The following LRRC3B variants were observed in gnomAD, a reference collection of about 807,000 sequenced individuals.
The protein encoded by LRRC3B is leucine-rich repeat-containing protein 3B.
LRRC3B carries 2 observed loss-of-function variants against 12.8 expected under a neutral mutation model. The observed-to-expected ratio is 0.16, with a 90% CI of 0.06 to 0.49. The LOEUF (loss-of-function observed/expected upper bound fraction) is 0.49, where lower values mean the gene tolerates loss of function less well. Among genes scored for constraint, LRRC3B ranks in the 20% least tolerant of loss-of-function variants. LRRC3B has a pLI of 0.96. For synonymous variants in LRRC3B, 132 were observed against 122.0 expected (o/e 1.08, Z -0.54); for missense variants, 189 against 319.4 (o/e 0.59, Z 3.11).
At chr3:26,698,817 C>G (rs1480529102) in intron 1 of LRRC3B, among the ~76,000 whole-genome samples, 2 of 152,088 alleles carry the variant, frequency 1.3e-5, no homozygotes, top group Non-Finnish European at 2.9e-5. Flanking sequence ...GAACAACTAC[C>G]TCCATTCTAC....
At chr3:26,640,733 A>G (rs1425781073) in intron 1 of LRRC3B, among the ~76,000 whole-genome samples, 1 of 152,180 alleles carries the variant, frequency 6.6e-6, no homozygotes, top group Non-Finnish European at 1.5e-5. Context: ...AAGCACTGTA[A>G]GTGGAGTTCT....
At chr3:26,648,798 G>T (rs1699205783) in intron 1 of LRRC3B, among the ~76,000 whole-genome samples, 1 of 152,194 alleles carries the variant, frequency 6.6e-6, no homozygotes, top group Admixed American at 6.5e-5. Context: ...TTTGAAGAAT[G>T]GGCAGTTGCA....
chr3:26,658,170 G>A (rs1699414925), intron 1 of LRRC3B, among the ~76,000 whole-genome samples: 3 of 152,106 alleles, frequency 2.0e-5, no homozygotes, highest in Non-Finnish European at 4.4e-5. Context: ...TCGGCCTCCC[G>A]GGTTCACGCC....
chr3:26,657,555 A>C (rs1043411425), intron 1 of LRRC3B, among the ~76,000 whole-genome samples: 1 of 152,272 alleles, frequency 6.6e-6, no homozygotes, highest in Admixed American at 6.5e-5. Flanking sequence ...TTATTTGCTA[A>C]GTCACTTCTC....
At chr3:26,657,403 C>T (rs940075555) in intron 1 of LRRC3B, among the ~76,000 whole-genome samples, 1 of 152,104 alleles carries the variant, frequency 6.6e-6, no homozygotes, top group Admixed American at 6.5e-5. Context: ...TCAAAATTTA[C>T]TTTGGGTCAA....
chr3:26,710,058 A>C (rs761482645), exon 2 of LRRC3B: 2 of 1,614,174 alleles, frequency 1.2e-6, no homozygotes, highest in Non-Finnish European at 1.7e-6. Flanking sequence ...CAAAGTGTGC[A>C]CAAAAATGCC....
chr3:26,627,647 A>G (rs1698658575), intron 1 of LRRC3B, among the ~76,000 whole-genome samples: 2 of 151,828 alleles, frequency 1.3e-5, no homozygotes, highest in South Asian at 4.2e-4. Flanking sequence ...CCTACCCTCG[A>G]CCTCAGTCTG....
intron 1 of LRRC3B, among the ~76,000 whole-genome samples, chr3:26,650,866 A>G (rs1699250956): frequency 6.6e-6 from 1 of 152,302 alleles, no homozygotes; most frequent in East Asian, 1.9e-4. Context: ...GTCTTGCGTC[A>G]GGCATAGCTC....
At chr3:26,633,090 G>A (rs73059308) in intron 1 of LRRC3B, among the ~76,000 whole-genome samples, 13 of 152,174 alleles carry the variant, frequency 8.5e-5, no homozygotes, top group South Asian at 4.2e-4. Context: ...AACAGAAAGC[G>A]CTCTTTCACA....
intron 1 of LRRC3B, among the ~76,000 whole-genome samples, chr3:26,645,957 G>T (rs1171146827): frequency 6.6e-6 from 1 of 152,128 alleles, no homozygotes; most frequent in Non-Finnish European, 1.5e-5. Context: ...TGACCATTCT[G>T]CTGGACTACC....
intron 1 of LRRC3B, among the ~76,000 whole-genome samples, chr3:26,648,841 C>A (rs987740128): frequency 6.6e-6 from 1 of 152,218 alleles, no homozygotes; most frequent in Non-Finnish European, 1.5e-5. Flanking sequence ...TCTGCCTTAA[C>A]ATCAGCAAAT....
intron 1 of LRRC3B, among the ~76,000 whole-genome samples, chr3:26,689,350 A>G (rs774503773): frequency 2.0e-5 from 3 of 152,180 alleles, no homozygotes; most frequent in Non-Finnish European, 4.4e-5. Flanking sequence ...TCACAGGTTC[A>G]GTAACAGTGC....
At chr3:26,704,599 T>C (rs775458256) in intron 1 of LRRC3B, among the ~76,000 whole-genome samples, 16 of 152,128 alleles carry the variant, frequency 1.1e-4, no homozygotes, top group Non-Finnish European at 2.1e-4. Context: ...AGGGTCTTGC[T>C]ATGTTGCCCT....
At chr3:26,704,095 T>C (rs1163892876) in intron 1 of LRRC3B, among the ~76,000 whole-genome samples, 4 of 152,150 alleles carry the variant, frequency 2.6e-5, no homozygotes, top group Non-Finnish European at 4.4e-5. Flanking sequence ...TTACTAATAG[T>C]TTCTGATATA....
intron 1 of LRRC3B, among the ~76,000 whole-genome samples, chr3:26,684,635 C>T (rs1038329379): frequency 1.3e-5 from 2 of 152,148 alleles, no homozygotes; most frequent in Non-Finnish European, 2.9e-5. Context: ...GGCAAAGAGA[C>T]TAAAAGGGGG....
chr3:26,660,086 A>G (rs1699462487), intron 1 of LRRC3B, among the ~76,000 whole-genome samples: 1 of 152,160 alleles, frequency 6.6e-6, no homozygotes, highest in African/African-American at 2.4e-5. Context: ...AGGAGAAAAT[A>G]TAGGGCTCCC....
chr3:26,657,858 C>G (rs534108063), intron 1 of LRRC3B, among the ~76,000 whole-genome samples: 301 of 152,222 alleles, frequency 2.0e-3, no homozygotes, highest in African/African-American at 6.2e-3. Context: ...ATGACTCACT[C>G]TTATTTTTCT....
chr3:26,708,923 C>T (rs2125467699), intron 1 of LRRC3B, among the ~76,000 whole-genome samples: 1 of 152,216 alleles, frequency 6.6e-6, no homozygotes, highest in South Asian at 2.1e-4. Flanking sequence ...AAAGAGGTCA[C>T]AAGGAAGGCA....
intron 1 of LRRC3B, among the ~76,000 whole-genome samples, chr3:26,649,533 T>C (rs898345864): frequency 3.9e-5 from 6 of 152,228 alleles, no homozygotes; most frequent in African/African-American, 1.4e-4. Flanking sequence ...CTCTGAGTTT[T>C]AATTTCATGA....
Sources: gnomAD v4.1 joint callset for allele counts (sites outside exome capture counted in the v4.1 genomes callset) on GRCh38, gnomAD v4.1.1 for gene constraint, MANE v1.5 for transcripts, NCBI Gene and HGNC (gene_info 2026-07-23, HGNC 2026-07-21) for gene names.